Variants in ZNF804B observed in about 807,000 individuals in gnomAD.
ZNF804B encodes zinc finger protein 804B, also known as zinc finger 804B.
In ZNF804B, 80 loss-of-function variants were observed where a neutral mutation model predicts 101.4. That is an observed-to-expected ratio of 0.79 (90% confidence interval 0.66 to 0.95). The LOEUF is 0.95. Ranked by LOEUF, ZNF804B falls within the 40% of genes least tolerant of loss-of-function variation. The pLI is 0.00. For missense variants in ZNF804B, 1,673 were observed against 1,561.9 expected, an observed-to-expected ratio of 1.07 and a Z score of -1.20; for synonymous variants, 622 against 558.8, an observed-to-expected ratio of 1.11 and a Z score of -1.59.
chr7:89,174,506 A>C (rs1381148894), intron 1 of ZNF804B, among the ~76,000 whole-genome samples: 1 of 152,016 alleles, frequency 6.6e-6, no homozygotes, highest in Non-Finnish European at 1.5e-5. Flanking sequence ...GTTGATGGAC[A>C]CACAAGTTAA....
At chr7:88,883,858 A>G (rs1465013297) in intron 1 of ZNF804B, among the ~76,000 whole-genome samples, 1 of 151,940 alleles carries the variant, frequency 6.6e-6, no homozygotes, top group African/African-American at 2.4e-5. Flanking sequence ...TTGGTTACTA[A>G]TTATATGTCA....
chr7:89,034,513 T>C (rs1788890702), intron 1 of ZNF804B, among the ~76,000 whole-genome samples: 1 of 152,144 alleles, frequency 6.6e-6, no homozygotes, highest in Non-Finnish European at 1.5e-5. Flanking sequence ...TGGTTTTCTG[T>C]ATCTGTGTTA....
intron 1 of ZNF804B, among the ~76,000 whole-genome samples, chr7:89,203,018 CACAT>C (rs1480737389): frequency 6.6e-6 from 1 of 152,036 alleles, no homozygotes; most frequent in East Asian, 1.9e-4. Context: ...CACACACACA[CACAT>C]ACACACACAT....
Position 89,335,174 on chromosome 7 carries a change from TCAATGGTAATAGCA to T in ZNF804B, c.2193_2206del (p.Phe731LeufsTer3), listed in dbSNP as rs746365132. 8 of 1,613,860 alleles carry T rather than the reference TCAATGGTAATAGCA, an allele frequency of 5.0e-6. No homozygotes were observed. The South Asian group carries it at 8.8e-5, about 18-fold the overall frequency. On this transcript the variant is annotated frameshift_variant, in exon 4 of 4. Coordinates refer to ENST00000333190, the MANE Select transcript of ZNF804B (RefSeq NM_181646.5). LOFTEE classifies it high-confidence loss of function. Reference sequence around the variant, plus strand: ...AGAAGTACTTGTTCAAGTCATAGATTCAATGGTAATAGCAGAGGTAATTTGCTCTGCTTCCATAA... The same window carrying T: ...AGAAGTACTTGTTCAAGTCATAGATTGAGGTAATTTGCTCTGCTTCCATAA...
intron 1 of ZNF804B, among the ~76,000 whole-genome samples, chr7:88,967,545 A>C (rs1410399471): frequency 6.6e-6 from 1 of 151,554 alleles, no homozygotes; most frequent in African/African-American, 2.4e-5. Flanking sequence ...TGATGAAATA[A>C]GCAGAAATTT....
intron 1 of ZNF804B, among the ~76,000 whole-genome samples, chr7:89,208,198 C>T (rs1241799917): frequency 2.0e-5 from 3 of 151,628 alleles, no homozygotes; most frequent in African/African-American, 7.3e-5. Flanking sequence ...TCTCCTGCCT[C>T]AGCCTCCCGA....
At chr7:89,304,836 C>T (rs973059323) in intron 2 of ZNF804B, among the ~76,000 whole-genome samples, 7 of 151,820 alleles carry the variant, frequency 4.6e-5, no homozygotes, top group African/African-American at 1.5e-4. Context: ...TGGCAAAAGA[C>T]GGTCTTAATC....
chr7:88,772,524 A>AT (rs1411026717), intron 1 of ZNF804B, among the ~76,000 whole-genome samples: 1 of 152,198 alleles, frequency 6.6e-6, no homozygotes, highest in Non-Finnish European at 1.5e-5. Context: ...GTGGATTTAC[A>AT]TAGTACATAA....
chr7:88,856,037 A>C (rs1026957985), intron 1 of ZNF804B, among the ~76,000 whole-genome samples: 1 of 152,166 alleles, frequency 6.6e-6, no homozygotes, highest in African/African-American at 2.4e-5. Context: ...ATCAGGTAGC[A>C]TGATGCCTCC....
At chr7:89,096,689 C>A (rs1470166394) in intron 1 of ZNF804B, among the ~76,000 whole-genome samples, 1 of 152,058 alleles carries the variant, frequency 6.6e-6, no homozygotes, top group African/African-American at 2.4e-5. Flanking sequence ...TTTTTTAAAT[C>A]ATTAGATTGT....
At chr7:88,770,912 T>G (rs1790051731) in intron 1 of ZNF804B, among the ~76,000 whole-genome samples, 2 of 152,224 alleles carry the variant, frequency 1.3e-5, no homozygotes, top group Admixed American at 6.5e-5. Flanking sequence ...TTGCATTATT[T>G]CCTTATAAGT....
At chr7:88,816,520 T>A (rs1454063462) in intron 1 of ZNF804B, among the ~76,000 whole-genome samples, 2 of 151,764 alleles carry the variant, frequency 1.3e-5, no homozygotes, top group African/African-American at 4.9e-5. Flanking sequence ...TACGATGAAC[T>A]CAAACAAATT....
At chr7:89,020,225 C>T (rs1431966648) in intron 1 of ZNF804B, among the ~76,000 whole-genome samples, 1 of 152,096 alleles carries the variant, frequency 6.6e-6, no homozygotes, top group African/African-American at 2.4e-5. Context: ...CTCTCTTAAG[C>T]ATTTCTTGTA....
At chr7:88,963,222 A>G (rs184676645) in intron 1 of ZNF804B, among the ~76,000 whole-genome samples, 1 of 151,420 alleles carries the variant, frequency 6.6e-6, no homozygotes, top group African/African-American at 2.4e-5. Flanking sequence ...AAAACAATCT[A>G]TAAAAAAACA....
intron 2 of ZNF804B, among the ~76,000 whole-genome samples, chr7:89,279,634 G>C (rs929063417): frequency 1.3e-5 from 2 of 152,124 alleles, no homozygotes; most frequent in Admixed American, 6.5e-5. Flanking sequence ...CATTGGTTCT[G>C]TTTATATGCT....
At chr7:89,283,769 A>G (rs1424239942) in intron 2 of ZNF804B, among the ~76,000 whole-genome samples, 2 of 152,074 alleles carry the variant, frequency 1.3e-5, no homozygotes, top group Non-Finnish European at 2.9e-5. Flanking sequence ...TCCTATATAT[A>G]CATACATATA....
intron 1 of ZNF804B, among the ~76,000 whole-genome samples, chr7:89,070,713 C>A (rs1789523039): frequency 6.6e-6 from 1 of 152,160 alleles, no homozygotes; most frequent in African/African-American, 2.4e-5. Flanking sequence ...TAACCTCAGG[C>A]TCAATGGCAA....
intron 1 of ZNF804B, among the ~76,000 whole-genome samples, chr7:89,121,889 G>A (rs1001809901): frequency 1.3e-5 from 2 of 152,070 alleles, no homozygotes; most frequent in Admixed American, 1.3e-4. Context: ...TTGTGTAGCT[G>A]GGTCTGTGAG....
intron 2 of ZNF804B, among the ~76,000 whole-genome samples, chr7:89,279,232 C>A (rs1790040199): frequency 6.6e-6 from 1 of 152,006 alleles, no homozygotes; most frequent in South Asian, 2.1e-4. Context: ...AGTTGCTTAT[C>A]AGCTTAAGGA....
Sources: gnomAD v4.1 joint callset for allele counts (sites outside exome capture counted in the v4.1 genomes callset) on GRCh38, gnomAD v4.1.1 for gene constraint, MANE v1.5 for transcripts, NCBI Gene and HGNC (gene_info 2026-07-23, HGNC 2026-07-21) for gene names.